Variants in GRID2 observed in about 807,000 individuals in gnomAD.
GRID2 encodes glutamate receptor ionotropic, delta-2.
Under a neutral mutation model 114.8 loss-of-function variants are expected in GRID2, and 33 were observed. The observed-to-expected ratio is 0.29, with a 90% CI of 0.22 to 0.38. GRID2 has a LOEUF of 0.38. Among genes scored for constraint, GRID2 ranks in the 10% least tolerant of loss-of-function variants. The pLI is 1.00. For synonymous variants in GRID2, 505 were observed against 449.9 expected (o/e 1.12, Z -1.55); for missense variants, 1,184 against 1,257.7 (o/e 0.94, Z 0.89).
At position 93,310,611 on chromosome 4, in the gene GRID2, A is replaced by G. The variant is rs1006503529; in HGVS notation, c.1245+72121A>G. Among the ~76,000 whole-genome samples the G allele has an allele frequency of 7.2e-5, 11 of 152,334 alleles. No homozygotes were observed. The South Asian group carries it at 2.1e-3, about 29-fold the overall frequency. Reference sequence around the variant, plus strand: ...TGGAAAATCCTTAAATCTGTTTGACAAATTGAGTTGAAAGTGTTGAATTCC... The same window carrying G: ...TGGAAAATCCTTAAATCTGTTTGACGAATTGAGTTGAAAGTGTTGAATTCC... On this transcript the variant is annotated intron_variant, in intron 8 of 15. Transcript: ENST00000282020.
At chr4:93,040,001 A>G (rs1477903269) in intron 2 of GRID2, among the ~76,000 whole-genome samples, 1 of 152,182 alleles carries the variant, frequency 6.6e-6, no homozygotes, top group Non-Finnish European at 1.5e-5. Flanking sequence ...TCAAATGCAC[A>G]GGAATTTAGT....
chr4:92,326,072 A>G (rs1335339493), intron 1 of GRID2, among the ~76,000 whole-genome samples: 1 of 151,890 alleles, frequency 6.6e-6, no homozygotes, highest in Non-Finnish European at 1.5e-5. Flanking sequence ...ACAGGGATTT[A>G]GGTAAGCATT....
chr4:92,727,475 C>T (rs535574146), intron 2 of GRID2, among the ~76,000 whole-genome samples: 1 of 152,130 alleles, frequency 6.6e-6, no homozygotes, highest in African/African-American at 2.4e-5. Context: ...TGGTTAAGGG[C>T]CTGCCAGGAT....
At chr4:92,335,820 G>C (rs897614116) in intron 1 of GRID2, among the ~76,000 whole-genome samples, 1 of 152,156 alleles carries the variant, frequency 6.6e-6, no homozygotes, top group African/African-American at 2.4e-5. Flanking sequence ...AGTGTACCCT[G>C]AGTGATTGAT....
intron 4 of GRID2, among the ~76,000 whole-genome samples, chr4:93,183,782 A>G (rs1305337134): frequency 2.0e-5 from 3 of 152,234 alleles, no homozygotes; most frequent in Non-Finnish European, 4.4e-5. Context: ...CACTCAGGGA[A>G]GTTGGCTTCA....
chr4:93,272,569 G>C (rs2149571640), intron 8 of GRID2, among the ~76,000 whole-genome samples: 1 of 152,294 alleles, frequency 6.6e-6, no homozygotes, highest in Admixed American at 6.5e-5. Flanking sequence ...ATCTTCCAAA[G>C]ACTTGCAACT....
At chr4:92,750,618 T>C (rs1460342602) in intron 2 of GRID2, among the ~76,000 whole-genome samples, 1 of 152,168 alleles carries the variant, frequency 6.6e-6, no homozygotes, top group Non-Finnish European at 1.5e-5. Context: ...CCTGAACATT[T>C]CTTATGTCAG....
chr4:92,837,180 G>C (rs757254432), intron 2 of GRID2, among the ~76,000 whole-genome samples: 10 of 151,992 alleles, frequency 6.6e-5, no homozygotes, highest in Non-Finnish European at 1.5e-4. Context: ...GAATGGTAAC[G>C]ACACAATCCT....
At chr4:92,871,135 CAA>C (rs1745241802) in intron 2 of GRID2, among the ~76,000 whole-genome samples, 3 of 151,944 alleles carry the variant, frequency 2.0e-5, no homozygotes, top group South Asian at 4.1e-4. Context: ...TAGATAGAAA[CAA>C]AAAGTCTTCT....
chr4:92,811,157 A>G (rs1336174318), intron 2 of GRID2, among the ~76,000 whole-genome samples: 1 of 152,128 alleles, frequency 6.6e-6, no homozygotes, highest in Non-Finnish European at 1.5e-5. Context: ...TTAATCCAAA[A>G]ATATCTTTTT....
At chr4:93,663,549 G>C (rs906498293) in intron 14 of GRID2, among the ~76,000 whole-genome samples, 2 of 152,114 alleles carry the variant, frequency 1.3e-5, no homozygotes, top group Admixed American at 1.3e-4. Flanking sequence ...TGTATAAATA[G>C]AATATGACCC....
intron 8 of GRID2, among the ~76,000 whole-genome samples, chr4:93,240,349 T>A (rs1747344128): frequency 6.6e-6 from 1 of 151,630 alleles, no homozygotes; most frequent in African/African-American, 2.4e-5. Flanking sequence ...TATATCCTCA[T>A]GATTTCAATT....
chr4:93,678,055 G>C (rs1185979800), intron 14 of GRID2, among the ~76,000 whole-genome samples: 1 of 152,126 alleles, frequency 6.6e-6, no homozygotes, highest in Non-Finnish European at 1.5e-5. Context: ...TGGATAACTA[G>C]ACTAACCAAT....
At chr4:93,200,121 T>G (rs1741915967) in intron 4 of GRID2, among the ~76,000 whole-genome samples, 1 of 152,236 alleles carries the variant, frequency 6.6e-6, no homozygotes, top group African/African-American at 2.4e-5. Context: ...CACAAAGCCC[T>G]TGCTAAAAAT....
At chr4:93,148,186 A>G (rs185198810) in intron 4 of GRID2, among the ~76,000 whole-genome samples, 150 of 152,358 alleles carry the variant, frequency 9.8e-4, no homozygotes, top group Middle Eastern at 3.4e-3. Context: ...GACACTGACC[A>G]TGATTAAAAC....
intron 11 of GRID2, among the ~76,000 whole-genome samples, chr4:93,473,601 G>A (rs1009738709): frequency 5.9e-5 from 9 of 152,052 alleles, no homozygotes; most frequent in African/African-American, 2.2e-4. Flanking sequence ...GAAATTTGTT[G>A]CTGATAATGT....
chr4:92,404,689 C>T (rs1730943820), intron 1 of GRID2, among the ~76,000 whole-genome samples: 1 of 151,946 alleles, frequency 6.6e-6, no homozygotes. Flanking sequence ...CCATGGAATA[C>T]TGTGCAGCCA....
chr4:93,110,772 T>C lies in GRID2; in HGVS notation c.554T>C (p.Leu185Ser). ...GATATCCGTGGAATACAGGAGTTCT[T>C]GGACAAAGTCTCTCAGCAGGGAATG... ...EYDIRGIQEFLDKVSQQGMDV... is the reference protein window; with the variant it reads ...EYDIRGIQEFSDKVSQQGMDV... The change falls in exon 4 of 16, where the codon TTG becomes TCG. Residue 185 changes from leucine to serine, a missense_variant. Leu to Ser is a moderately radical substitution (Grantham distance 145, BLOSUM62 -2). Transcript: ENST00000282020. 1 of 1,612,494 alleles carries C rather than the reference T, an allele frequency of 6.2e-7. No individual in the cohort carries two copies. Among genetic ancestry groups the C allele is most frequent in the Non-Finnish European group, 8.5e-7 (1 of 1,178,476 alleles).
intron 4 of GRID2, among the ~76,000 whole-genome samples, chr4:93,155,693 G>GA (rs1478513229): frequency 1.3e-5 from 2 of 151,736 alleles, no homozygotes; most frequent in African/African-American, 4.8e-5. Context: ...GAGAAGGGAG[G>GA]GGCAAGCAAG....
Sources: gnomAD v4.1 joint callset for allele counts (sites outside exome capture counted in the v4.1 genomes callset) on GRCh38, gnomAD v4.1.1 for gene constraint, MANE v1.5 for transcripts, NCBI Gene and HGNC (gene_info 2026-07-23, HGNC 2026-07-21) for gene names.